Variants in KIAA1614 observed in about 807,000 individuals in gnomAD.
KIAA1614 encodes KIAA1614, also known as uncharacterized protein KIAA1614.
Under a neutral mutation model 88.7 loss-of-function variants are expected in KIAA1614, and 76 were observed. That is an observed-to-expected ratio of 0.86 (90% confidence interval 0.71 to 1.04). The LOEUF (loss-of-function observed/expected upper bound fraction) is 1.04, where lower values mean the gene tolerates loss of function less well. KIAA1614 is among the 50% of genes least tolerant of loss of function. KIAA1614 has a pLI of 0.00. For missense variants in KIAA1614, 1,553 were observed against 1,582.5 expected (o/e 0.98, Z 0.32); for synonymous variants, 714 against 675.5 (o/e 1.06, Z -0.88).
chr1:180,932,459 C>T (rs80256086), intron 4 of KIAA1614, among the ~76,000 whole-genome samples: 4,167 of 152,224 alleles, frequency 0.027, 178 homozygotes, highest in African/African-American at 0.09. Context: ...TTTTCTTTGA[C>T]CCAAAAGTTT....
chr1:180,916,082 T>G, intron 1 of KIAA1614, 72 bp from the exon 2 acceptor site: 3 of 1,234,248 alleles, frequency 2.4e-6, no homozygotes, highest in Non-Finnish European at 3.3e-6. Flanking sequence ...CCAAGACACT[T>G]TGGGGCCCCG....
chr1:180,948,705 T>G lies in KIAA1614; in HGVS notation c.*3117T>G, dbSNP rs761942406. The G allele has an allele frequency of 2.6e-5, 4 of 152,178 alleles. No individual in the cohort carries two copies. Among genetic ancestry groups the G allele is most frequent in the African/African-American group, 9.7e-5 (4 of 41,412 alleles). 9.4% of individuals were successfully genotyped at this position (152,178 alleles called of 1,614,324 possible). A position where few individuals can be genotyped will look rare whatever the true frequency, so the allele number is the denominator to read the frequency against. On this transcript the variant is annotated 3_prime_UTR_variant, in exon 9 of 9. Transcript: ENST00000367588. ...GAGGGCAAGCAGTGAAAGGTCCATCTAGAGGAGGTAAAAGACAGGGCTGAG... is the reference window on the plus strand; with the variant it reads ...GAGGGCAAGCAGTGAAAGGTCCATCGAGAGGAGGTAAAAGACAGGGCTGAG...
At chr1:180,929,823 C>A (rs10914137) in intron 4 of KIAA1614, among the ~76,000 whole-genome samples, 45,739 of 151,918 alleles carry the variant, frequency 0.3, 7,732 homozygotes, top group African/African-American at 0.46. Context: ...CATGGTGGGC[C>A]TGCTGCATCA....
At position 180,916,156 on chromosome 1, in the gene KIAA1614, G is replaced by A. The variant is rs1395215543; in HGVS notation, c.53G>A (p.Gly18Glu). The change falls in exon 2 of 9, where the codon GGG (glycine) becomes GAG (glutamate). Residue 18 changes from glycine to glutamate, a missense_variant and splice_region_variant. Physicochemically the swap from Gly to Glu is moderately conservative, Grantham distance 98 (BLOSUM62 -2). Transcript: ENST00000367588. ...ACTCTGTCTGTTTTCTCCTCCAGAGGGCCCAAGACAGGGAGTGGAACAGCC... is the reference window on the plus strand; with the variant it reads ...ACTCTGTCTGTTTTCTCCTCCAGAGAGCCCAAGACAGGGAGTGGAACAGCC... ...AAKPAGGSPQ[G>E]PKTGSGTASP... is the part of the protein sequence containing the mutation. 2 of 1,547,020 alleles carry A rather than the reference G, an allele frequency of 1.3e-6. No individual in the cohort carries two copies. The highest frequency in any genetic ancestry group is 2.3e-5 in the East Asian group (1 of 44,240).
At chr1:180,918,774 C>A (rs1016593193) in intron 3 of KIAA1614, among the ~76,000 whole-genome samples, 1 of 152,200 alleles carries the variant, frequency 6.6e-6, no homozygotes, top group Non-Finnish European at 1.5e-5. Context: ...TCAGTTAGAA[C>A]CACCTCCAGA....
chr1:180,917,269 CAG>C (rs1319466724), intron 2 of KIAA1614, among the ~76,000 whole-genome samples, 169 bp downstream of exon 2: 1 of 152,192 alleles, frequency 6.6e-6, no homozygotes, highest in African/African-American at 2.4e-5. Flanking sequence ...TTGGCTGTGA[CAG>C]ATTCTTTGCA....
intron 3 of KIAA1614, among the ~76,000 whole-genome samples, chr1:180,922,052 G>C (rs1457872350): frequency 6.6e-6 from 1 of 152,234 alleles, no homozygotes; most frequent in Non-Finnish European, 1.5e-5. Flanking sequence ...GGAGGCTCAG[G>C]AGCCCGCGCC....
At chr1:180,939,128 G>T (rs1279892364) in intron 6 of KIAA1614, among the ~76,000 whole-genome samples, 4 of 152,144 alleles carry the variant, frequency 2.6e-5, no homozygotes, top group Non-Finnish European at 4.4e-5. Context: ...GAAGGGGGGA[G>T]TGGGGGAAGG....
chr1:180,927,961 T>A (rs1223638764), intron 3 of KIAA1614, among the ~76,000 whole-genome samples: 1 of 152,130 alleles, frequency 6.6e-6, no homozygotes, highest in African/African-American at 2.4e-5. Context: ...TGGGTACTAG[T>A]GTGGTGCTGT....
chr1:180,918,488 C>T (rs530244702), intron 3 of KIAA1614, among the ~76,000 whole-genome samples: 1 of 152,326 alleles, frequency 6.6e-6, no homozygotes, highest in Admixed American at 6.5e-5. Flanking sequence ...GCCTGTCCTT[C>T]ATGGCAGTGT....
chr1:180,928,377 T>G, intron 3 of KIAA1614, 53 bp from the exon 4 acceptor site: 1 of 1,471,032 alleles, frequency 6.8e-7, no homozygotes, highest in Non-Finnish European at 9.0e-7. Flanking sequence ...CTAATCTGCG[T>G]TATTTTCCTC....
chr1:180,932,256 C>T (rs189828202), intron 4 of KIAA1614, among the ~76,000 whole-genome samples: 13 of 152,206 alleles, frequency 8.5e-5, no homozygotes, highest in South Asian at 2.1e-4. Context: ...TCTTCAGCAG[C>T]GGGGTGTCCT....
intron 2 of KIAA1614, 39 bp downstream of exon 2, chr1:180,917,139 A>G (rs889272044): frequency 6.5e-7 from 1 of 1,543,056 alleles, no homozygotes; most frequent in Non-Finnish European, 8.9e-7. Context: ...TGGGGGGAGC[A>G]GGAGGGAATC....
At chr1:180,938,820 G>C (rs1379212738) in intron 6 of KIAA1614, 109 bp downstream of exon 6, 1 of 967,584 alleles carries the variant, frequency 1.0e-6, no homozygotes, top group East Asian at 2.6e-5. Context: ...CCTGCCCCTA[G>C]TCTTCAGAGG....
intron 3 of KIAA1614, among the ~76,000 whole-genome samples, chr1:180,922,112 C>A (rs555480027): frequency 1.2e-4 from 18 of 152,354 alleles, no homozygotes; most frequent in Admixed American, 4.6e-4. Flanking sequence ...TCCATAGAGG[C>A]GGTGCTTCTG....
intron 4 of KIAA1614, 131 bp downstream of exon 4, chr1:180,928,704 T>G: frequency 9.6e-7 from 1 of 1,039,742 alleles, no homozygotes; most frequent in Non-Finnish European, 1.3e-6. Context: ...GTGTTTTCCA[T>G]ATAAGGCTCT....
intron 5 of KIAA1614, among the ~76,000 whole-genome samples, chr1:180,937,060 A>G (rs1420921813): frequency 6.6e-6 from 1 of 152,236 alleles, no homozygotes; most frequent in Non-Finnish European, 1.5e-5. Context: ...AAGAGGCAAC[A>G]GCTCCAGGAT....
Position 180,935,640 on chromosome 1 carries a change from C to G in KIAA1614, c.1731C>G (p.Ser577Arg). Residue 577 changes from serine (S) to arginine (R), a missense_variant, in exon 5 of 9, where the codon AGC becomes AGG. Transcript: ENST00000367588. The surrounding 1 kb of genome is among the most constrained non-coding windows in gnomAD (Gnocchi z 6.1). ...TGGAGAGGGTGCTGGGTGGCCTGAG[C>G]TCCCCACTCCGGCTCCTTCCTGCAG... ...CGMERVLGGL[S>R]SPLRLLPAEP... The G allele has an allele frequency of 6.2e-7, 1 of 1,611,820 alleles. No homozygotes were observed. The highest frequency in any genetic ancestry group is 8.5e-7 in the Non-Finnish European group (1 of 1,179,116).
rs1239164960 is a variant in KIAA1614, at chr1:180,935,982, G to A, written c.2073G>A (p.Glu691=). ...TGGAGGTGGAAAATGAGGTGAAAGA[G>A]GGCAGAGGACACACGCCTGAAGGAA... ...DDVEVENEVK[E]GRGHTPEGTL... is the part of the protein sequence containing the mutation. The change falls in exon 5 of 9, where the codon GAG becomes GAA. Residue 691 remains glutamate, a synonymous_variant. Coordinates refer to ENST00000367588, the MANE Select transcript of KIAA1614 (RefSeq NM_020950.2). This position sits in a 1 kb window ranked among gnomAD's most constrained non-coding sequence, Gnocchi z 6.1. 3.7e-5 allele frequency: 60 copies of A among 1,613,952 alleles called. No individual in the cohort carries two copies. Among genetic ancestry groups the A allele is most frequent in the Non-Finnish European group, 4.8e-5 (57 of 1,179,932 alleles).
Sources: allele counts gnomAD v4.1 joint callset (sites outside exome capture counted in the v4.1 genomes callset), GRCh38; gene constraint gnomAD v4.1.1; non-coding constraint Gnocchi (gnomAD v3.1); transcripts MANE v1.5; gene names NCBI Gene and HGNC (gene_info 2026-07-23, HGNC 2026-07-21).